SEMA5B: variants seen among roughly 807,000 people sequenced by gnomAD.
SEMA5B encodes the protein semaphorin-5B.
Under a neutral mutation model 135.0 loss-of-function variants are expected in SEMA5B, and 66 were observed. The observed-to-expected ratio is 0.49, with a 90% CI of 0.40 to 0.60. SEMA5B has a LOEUF of 0.60. Among genes scored for constraint, SEMA5B ranks in the 20% least tolerant of loss-of-function variants. The probability of loss-of-function intolerance (pLI) is 0.00; values close to 1 mark genes in which losing one functional copy is unlikely to be tolerated. For synonymous variants in SEMA5B, 690 were observed against 639.5 expected, an observed-to-expected ratio of 1.08 and a Z score of -1.19; for missense variants, 1,501 against 1,566.3, an observed-to-expected ratio of 0.96 and a Z score of 0.70.
intron 17 of SEMA5B, 35 bp downstream of exon 17, chr3:122,913,164 G>C: frequency 6.6e-7 from 1 of 1,510,466 alleles, no homozygotes; most frequent in South Asian, 1.3e-5. Flanking sequence ...CCGGGGCTGG[G>C]AGAGAGGAAG....
At chr3:122,948,775 T>C in intron 2 of SEMA5B, 66 bp from the exon 3 acceptor site, 1 of 1,332,994 alleles carries the variant, frequency 7.5e-7, no homozygotes, top group Non-Finnish European at 1.0e-6. Flanking sequence ...CTCAATTTCC[T>C]TGTGGTTACA....
chr3:122,998,799 G>A (rs1942092560), intron 1 of SEMA5B, among the ~76,000 whole-genome samples: 2 of 152,218 alleles, frequency 1.3e-5, no homozygotes, highest in Non-Finnish European at 2.9e-5. Context: ...CTCATTACAA[G>A]AAGTAGAGAG....
chr3:122,974,521 T>C (rs1467974394), intron 1 of SEMA5B, among the ~76,000 whole-genome samples: 1 of 152,172 alleles, frequency 6.6e-6, no homozygotes, highest in Non-Finnish European at 1.5e-5. Context: ...CTTCTGGGTT[T>C]GGGTATATGG....
rs749928832 is a variant in SEMA5B, at chr3:122,915,605, C to T, written c.1823G>A (p.Arg608Gln). 6.2e-6 allele frequency: 10 copies of T among 1,612,348 alleles called. No homozygotes were observed. The highest frequency in any genetic ancestry group is 4.5e-5 in the East Asian group (2 of 44,848). Reference protein sequence around the residue: ...ITACPVRNVTRDGGFGPWSPW... With the variant: ...ITACPVRNVTQDGGFGPWSPW... ...TGACCATGGGCCGAAGCCCCCATCCCGTGTCACATTCCGCACCTGAAGACA... is the reference window on the plus strand; with the variant it reads ...TGACCATGGGCCGAAGCCCCCATCCTGTGTCACATTCCGCACCTGAAGACA... The change falls in exon 14 of 23, where the codon CGG (arginine) becomes CAG (glutamine). Residue 608 changes from arginine (R) to glutamine (Q), a missense_variant. Around this residue, in one of 2 missense-constraint regions of SEMA5B, gnomAD observed 927 missense variants for 881.6 expected, o/e 1.05. Coordinates refer to ENST00000357599, the MANE Select transcript of SEMA5B (RefSeq NM_001031702.4).
intron 5 of SEMA5B, among the ~76,000 whole-genome samples, chr3:122,934,506 G>T (rs1939150285): frequency 6.6e-6 from 1 of 152,150 alleles, no homozygotes; most frequent in Non-Finnish European, 1.5e-5. Context: ...AACTCTATAG[G>T]ACAAGTGACG....
intron 1 of SEMA5B, among the ~76,000 whole-genome samples, chr3:123,026,268 C>T (rs1022420166): frequency 6.6e-6 from 1 of 152,214 alleles, no homozygotes; most frequent in Non-Finnish European, 1.5e-5. Context: ...GGAGTGCATG[C>T]CAGGGTAGCC....
At chr3:122,956,135 G>C (rs1034135115) in intron 2 of SEMA5B, among the ~76,000 whole-genome samples, 2 of 152,232 alleles carry the variant, frequency 1.3e-5, no homozygotes, top group African/African-American at 2.4e-5. Flanking sequence ...CTCTAGGAGT[G>C]GGGGAGGGGA....
chr3:122,928,406 T>C (rs149464175), intron 7 of SEMA5B, 111 bp downstream of exon 7: 1 of 683,712 alleles, frequency 1.5e-6, no homozygotes, highest in African/African-American at 1.8e-5. Context: ...TTGTTTCTGT[T>C]TTGGGTGTCT....
chr3:122,927,717 A>T (rs1408209289), intron 8 of SEMA5B, 73 bp downstream of exon 8: 2 of 1,143,174 alleles, frequency 1.7e-6, no homozygotes, highest in Non-Finnish European at 2.3e-6. Flanking sequence ...AGGAGGATGA[A>T]TGGGGGGCTC....
intron 18 of SEMA5B, 144 bp downstream of exon 18, chr3:122,912,699 T>C (rs1006902496): frequency 6.5e-6 from 5 of 769,902 alleles, no homozygotes; most frequent in Non-Finnish European, 1.0e-5. Flanking sequence ...GGCAGAAATT[T>C]GCTCTGGGGG....
At chr3:123,004,678 A>C (rs1942260838) in intron 1 of SEMA5B, among the ~76,000 whole-genome samples, 1 of 152,190 alleles carries the variant, frequency 6.6e-6, no homozygotes, top group Non-Finnish European at 1.5e-5. Flanking sequence ...CTGCAAATAT[A>C]ACATACCCAG....
At position 122,961,307 on chromosome 3, in the gene SEMA5B, G is replaced by C; in HGVS notation, c.-38-6C>G. 1 of 1,612,564 alleles carries C rather than the reference G, an allele frequency of 6.2e-7. No homozygotes were observed. The highest frequency in any genetic ancestry group is 1.1e-5 in the South Asian group (1 of 90,832). ...GCACCAGCTGGAACCACTCACTGAA[G>C]GGGGAGAATTTTGGGTAAGTCATGG... On this transcript the variant is annotated splice_polypyrimidine_tract_variant and splice_region_variant and intron_variant, in intron 1 of 22. Transcript: ENST00000357599.
intron 5 of SEMA5B, among the ~76,000 whole-genome samples, chr3:122,938,999 G>A (rs76113430): frequency 0.022 from 3,395 of 152,272 alleles, 129 homozygotes; most frequent in African/African-American, 0.077. Flanking sequence ...CACCCTTTCC[G>A]TGGAGGCCTG....
chr3:123,003,202 GA>G (rs1485143142), intron 1 of SEMA5B, among the ~76,000 whole-genome samples: 1 of 152,168 alleles, frequency 6.6e-6, no homozygotes, highest in African/African-American at 2.4e-5. Flanking sequence ...ATCTCATAAA[GA>G]AATAAGCCTA....
At chr3:122,982,516 C>T (rs1412133022) in intron 1 of SEMA5B, among the ~76,000 whole-genome samples, 2 of 152,194 alleles carry the variant, frequency 1.3e-5, no homozygotes, top group Non-Finnish European at 2.9e-5. Flanking sequence ...TCTGCCACCG[C>T]TCCCGCCCAT....
intron 1 of SEMA5B, among the ~76,000 whole-genome samples, chr3:122,977,216 G>A (rs1466555685): frequency 6.6e-6 from 1 of 152,166 alleles, no homozygotes; most frequent in Admixed American, 6.5e-5. Context: ...GATTGAATGA[G>A]ATCACATTTG....
chr3:122,983,778 A>G (rs1195796748), intron 1 of SEMA5B, among the ~76,000 whole-genome samples: 1 of 147,322 alleles, frequency 6.8e-6, no homozygotes, highest in African/African-American at 2.5e-5. Flanking sequence ...ACTGATGTTT[A>G]CCAAATTGAA....
intron 1 of SEMA5B, among the ~76,000 whole-genome samples, chr3:122,982,915 A>G (rs1484283989): frequency 6.6e-6 from 1 of 152,154 alleles, no homozygotes; most frequent in Non-Finnish European, 1.5e-5. Flanking sequence ...AGGCCTGTCC[A>G]CCAGCTGGTC....
intron 1 of SEMA5B, among the ~76,000 whole-genome samples, chr3:123,022,805 G>C (rs976204993): frequency 6.6e-6 from 1 of 152,212 alleles, no homozygotes; most frequent in Non-Finnish European, 1.5e-5. Flanking sequence ...AGAAGGGAAG[G>C]GAAGTATCAT....
Sources: gnomAD v4.1 joint callset for allele counts (sites outside exome capture counted in the v4.1 genomes callset) on GRCh38, gnomAD v4.1.1 for gene constraint, gnomAD v4.1.1 regional missense constraint, MANE v1.5 for transcripts, NCBI Gene and HGNC (gene_info 2026-07-23, HGNC 2026-07-21) for gene names.